IQGAP2: variants seen among roughly 807,000 people sequenced by gnomAD.
The protein encoded by IQGAP2 is IQ motif containing GTPase activating protein 2.
IQGAP2 carries 173 observed loss-of-function variants against 201.3 expected under a neutral mutation model. That is an observed-to-expected ratio of 0.86 (90% CI 0.76 to 0.98). The LOEUF is 0.98. IQGAP2 is among the 50% of genes least tolerant of loss of function. The pLI, the probability that IQGAP2 is intolerant of heterozygous loss-of-function variation, is 0.00. For missense variants in IQGAP2, 1,687 were observed against 1,864.8 expected (o/e 0.90, Z 1.76); for synonymous variants, 675 against 673.9 (o/e 1.00, Z -0.03).
At chr5:76,507,698 A>G (rs1220766039) in intron 2 of IQGAP2, among the ~76,000 whole-genome samples, 1 of 152,230 alleles carries the variant, frequency 6.6e-6, no homozygotes, top group Non-Finnish European at 1.5e-5. Context: ...CTAAACAATA[A>G]GAAAACAATC....
intron 1 of IQGAP2, among the ~76,000 whole-genome samples, chr5:76,459,403 G>A (rs190526650): frequency 4.0e-4 from 61 of 152,270 alleles, no homozygotes; most frequent in Admixed American, 2.4e-3. Flanking sequence ...GGTGTGACAA[G>A]CACATGGGCT....
intron 1 of IQGAP2, among the ~76,000 whole-genome samples, chr5:76,454,397 C>T (rs919282978): frequency 2.1e-4 from 32 of 151,092 alleles, no homozygotes; most frequent in South Asian, 6.3e-4. Context: ...CCCATTAACT[C>T]GTCCTTTAGC....
chr5:76,480,275 AGCT>A (rs1755694202), intron 2 of IQGAP2, among the ~76,000 whole-genome samples: 1 of 152,158 alleles, frequency 6.6e-6, no homozygotes, highest in Admixed American at 6.5e-5. Flanking sequence ...TTCTGGATGG[AGCT>A]GAGCTCAAGG....
intron 2 of IQGAP2, among the ~76,000 whole-genome samples, chr5:76,485,771 A>G (rs1333985503): frequency 1.3e-5 from 2 of 152,180 alleles, no homozygotes; most frequent in African/African-American, 4.8e-5. Flanking sequence ...GTGTGGCTCT[A>G]GGGAGAGAGC....
chr5:76,684,858 C>A (rs1745603843), intron 30 of IQGAP2, among the ~76,000 whole-genome samples: 1 of 151,670 alleles, frequency 6.6e-6, no homozygotes, highest in Non-Finnish European at 1.5e-5. Flanking sequence ...TTTTTTTAAA[C>A]ATTCAATCAT....
At chr5:76,567,954 G>A (rs1039465359) in intron 3 of IQGAP2, among the ~76,000 whole-genome samples, 1 of 152,096 alleles carries the variant, frequency 6.6e-6, no homozygotes, top group Admixed American at 6.5e-5. Context: ...GCAACCCTTG[G>A]CTAAATCTGA....
At position 76,674,555 on chromosome 5, in the gene IQGAP2, AC is replaced by A; in HGVS notation, c.3374del (p.Thr1125LysfsTer6). 1 of 1,614,076 alleles carries A rather than the reference AC, an allele frequency of 6.2e-7. No homozygotes were observed. The highest frequency in any genetic ancestry group is 8.5e-7 in the Non-Finnish European group (1 of 1,179,956). On this transcript the variant is annotated frameshift_variant, in exon 27 of 36. Coordinates refer to ENST00000274364, the MANE Select transcript of IQGAP2 (RefSeq NM_006633.5). LOFTEE classifies it high-confidence loss of function. ...AGATGGCTTTGATATCATCGACATG[AC>A]AGCTGGAGGTCAGATAAATTCTGAC... ...APDGFDIIDM[T>X]AGGQINSDQR... is the part of the protein sequence containing the mutation.
chr5:76,523,276 G>C (rs1460522922), intron 2 of IQGAP2, among the ~76,000 whole-genome samples: 1 of 151,788 alleles, frequency 6.6e-6, no homozygotes, highest in Non-Finnish European at 1.5e-5. Context: ...ATTTTGTAAG[G>C]GGGAGAGTCT....
intron 13 of IQGAP2, 61 bp from the exon 14 acceptor site, chr5:76,627,349 A>G: frequency 9.1e-7 from 1 of 1,092,912 alleles, no homozygotes; most frequent in Non-Finnish European, 1.4e-6. Context: ...AAAAGCAGTT[A>G]TTAATTCTGT....
chr5:76,634,185 G>T (rs568369627), intron 15 of IQGAP2, among the ~76,000 whole-genome samples: 131 of 151,980 alleles, frequency 8.6e-4, no homozygotes, highest in Non-Finnish European at 1.5e-3. Context: ...ATGGTCTATG[G>T]CTGCTTTCCT....
chr5:76,672,877 G>T (rs1290418687), intron 24 of IQGAP2, among the ~76,000 whole-genome samples: 2 of 149,568 alleles, frequency 1.3e-5, no homozygotes, highest in Non-Finnish European at 3.0e-5. Flanking sequence ...GACACAGGAA[G>T]GGGAACATCA....
At chr5:76,559,163 A>T (rs531335684) in intron 2 of IQGAP2, among the ~76,000 whole-genome samples, 32 of 152,180 alleles carry the variant, frequency 2.1e-4, no homozygotes, top group African/African-American at 7.2e-4. Flanking sequence ...AGCCTCCCAA[A>T]GTGATGGGAT....
Position 76,652,817 on chromosome 5 carries a change from C to T in IQGAP2, c.2162C>T (p.Thr721Ile), listed in dbSNP as rs763261038. Reference protein sequence around the residue: ...MHRRQTFIDNTDSIVKIQSWF... With the variant: ...MHRRQTFIDNIDSIVKIQSWF... Reference sequence around the variant, plus strand: ...AGGCGGCAAACGTTCATTGATAATACTGATTCTATTGTGAAGGTAAATACC... The same window carrying T: ...AGGCGGCAAACGTTCATTGATAATATTGATTCTATTGTGAAGGTAAATACC... Residue 721 changes from threonine to isoleucine, a missense_variant, in exon 18 of 36, where the codon ACT (threonine) becomes ATT (isoleucine). Coordinates refer to ENST00000274364, the MANE Select transcript of IQGAP2 (RefSeq NM_006633.5). 1 of 1,600,996 alleles carries T rather than the reference C, an allele frequency of 6.2e-7. No homozygotes were observed. Among genetic ancestry groups the T allele is most frequent in the South Asian group, 1.1e-5 (1 of 90,854 alleles).
chr5:76,663,966 A>T (rs1227293352), intron 21 of IQGAP2, among the ~76,000 whole-genome samples: 1 of 152,178 alleles, frequency 6.6e-6, no homozygotes, highest in African/African-American at 2.4e-5. Flanking sequence ...TATCCATTCC[A>T]CTCAAACTTT....
At chr5:76,572,141 A>T (rs189925499) in intron 4 of IQGAP2, among the ~76,000 whole-genome samples, 7 of 150,384 alleles carry the variant, frequency 4.7e-5, no homozygotes, top group Non-Finnish European at 4.4e-5. Context: ...CATCGTTTCC[A>T]CTCTGTATAT....
At chr5:76,512,142 CAG>C (rs562714089) in intron 2 of IQGAP2, among the ~76,000 whole-genome samples, 58 of 152,208 alleles carry the variant, frequency 3.8e-4, no homozygotes, top group African/African-American at 1.3e-3. Context: ...AGGGGTGTGT[CAG>C]AGTTTGAAAG....
chr5:76,698,530 G>A (rs1338770537), intron 33 of IQGAP2, among the ~76,000 whole-genome samples: 2 of 152,058 alleles, frequency 1.3e-5, no homozygotes, highest in East Asian at 3.8e-4. Flanking sequence ...ATAATGCCAG[G>A]TGTTTGCTAA....
intron 18 of IQGAP2, among the ~76,000 whole-genome samples, chr5:76,653,181 G>A (rs949618915): frequency 6.6e-6 from 1 of 152,154 alleles, no homozygotes; most frequent in Non-Finnish European, 1.5e-5. Flanking sequence ...ATTTGCTTAA[G>A]CATATTTAGA....
chr5:76,488,202 C>A (rs1463888813), intron 2 of IQGAP2, among the ~76,000 whole-genome samples: 2 of 152,152 alleles, frequency 1.3e-5, no homozygotes, highest in African/African-American at 4.8e-5. Flanking sequence ...ATTCCTAATC[C>A]TCATTTAAAT....
Sources: allele counts gnomAD v4.1 joint callset (sites outside exome capture counted in the v4.1 genomes callset), GRCh38; gene constraint gnomAD v4.1.1; transcripts MANE v1.5; gene names NCBI Gene and HGNC (gene_info 2026-07-23, HGNC 2026-07-21).